Variants in HEATR4 observed in about 807,000 individuals in gnomAD.
The protein encoded by HEATR4 is HEAT repeat containing 4.
Under a neutral mutation model 108.8 loss-of-function variants are expected in HEATR4, and 95 were observed. The ratio of observed to expected loss-of-function variants is 0.87; its 90% CI spans 0.74 to 1.04. HEATR4 has a LOEUF of 1.04. Among genes scored for constraint, HEATR4 ranks in the 50% least tolerant of loss-of-function variants. The probability of loss-of-function intolerance (pLI) is 0.00; values close to 1 mark genes in which losing one functional copy is unlikely to be tolerated. For synonymous variants in HEATR4, 443 were observed against 459.4 expected, an observed-to-expected ratio of 0.96 and a Z score of 0.46; for missense variants, 1,152 against 1,253.8, an observed-to-expected ratio of 0.92 and a Z score of 1.23.
chr14:73,544,202 G>C (rs1158441321), intron 1 of HEATR4, among the ~76,000 whole-genome samples: 1 of 115,374 alleles, frequency 8.7e-6, no homozygotes, highest in African/African-American at 2.8e-5. Flanking sequence ...GCTGACGCAG[G>C]AGAATTGCTT....
the HEATR4 span, chr14:73,619,934 T>TTC: frequency 1.5e-6 from 2 of 1,291,548 alleles, no homozygotes; most frequent in South Asian, 1.5e-5. Flanking sequence ...TTTTTTTTTT[T>TTC]CCTGTATCAC....
intron 7 of HEATR4, among the ~76,000 whole-genome samples, chr14:73,511,476 G>A (rs577637717): frequency 2.7e-5 from 4 of 150,904 alleles, no homozygotes; most frequent in South Asian, 2.1e-4. Context: ...CAGAGATCGC[G>A]CCACTGCACT....
intron 1 of HEATR4, among the ~76,000 whole-genome samples, chr14:73,545,465 C>T (rs1311745523): frequency 8.3e-5 from 6 of 72,268 alleles, no homozygotes; most frequent in African/African-American, 2.6e-4. Flanking sequence ...TCCTGTGTTA[C>T]TCTGCAACCC....
At chr14:73,569,970 G>GCCC in the HEATR4 span, 10 of 1,458,738 alleles carry the variant, frequency 6.9e-6, no homozygotes, top group Non-Finnish European at 9.0e-6. Flanking sequence ...TTATGTGTAT[G>GCCC]CCCCCCCGCC....
the HEATR4 span, among the ~76,000 whole-genome samples, chr14:73,566,281 C>G: frequency 6.6e-6 from 1 of 152,222 alleles, no homozygotes; most frequent in East Asian, 1.9e-4. Context: ...CCCAGTGGAT[C>G]GTGCACTGGG....
intron 1 of HEATR4, among the ~76,000 whole-genome samples, chr14:73,532,351 A>T (rs1284807059): frequency 8.6e-6 from 1 of 116,420 alleles, no homozygotes; most frequent in Non-Finnish European, 1.9e-5. Flanking sequence ...TCAATCTTGT[A>T]TTTCTAGTAG....
At chr14:73,587,513 A>G in the HEATR4 span, among the ~76,000 whole-genome samples, 4 of 152,032 alleles carry the variant, frequency 2.6e-5, no homozygotes, top group Non-Finnish European at 5.9e-5. Context: ...GGGCCACCAC[A>G]CCCAGCTAAT....
chr14:73,603,690 GT>G, the HEATR4 span, among the ~76,000 whole-genome samples: 8 of 150,262 alleles, frequency 5.3e-5, no homozygotes, highest in Non-Finnish European at 7.4e-5. Context: ...AGGCATTATA[GT>G]TTTTTTCTTT....
the HEATR4 span, chr14:73,592,283 G>C: frequency 6.2e-7 from 1 of 1,612,390 alleles, no homozygotes; most frequent in Non-Finnish European, 8.5e-7. Context: ...AGTTGGAGGT[G>C]CTGGACGGCC....
chr14:73,579,439 G>C, the HEATR4 span, among the ~76,000 whole-genome samples: 10 of 150,710 alleles, frequency 6.6e-5, no homozygotes, highest in African/African-American at 2.4e-4. Context: ...GCCGAGCGTG[G>C]TGCTGGGCGC....
At chr14:73,619,408 C>G in the HEATR4 span, 17 of 1,614,142 alleles carry the variant, frequency 1.1e-5, no homozygotes, top group South Asian at 1.5e-4. Context: ...TGTCGATGAT[C>G]TAGGAAAAGT....
the HEATR4 span, among the ~76,000 whole-genome samples, chr14:73,590,092 G>A: frequency 1.3e-5 from 2 of 152,018 alleles, no homozygotes; most frequent in African/African-American, 2.4e-5. Flanking sequence ...ACGTAGAAAA[G>A]AACCCCAACA....
At chr14:73,552,107 CTT>C (rs1172747046) in intron 1 of HEATR4, among the ~76,000 whole-genome samples, 1 of 114,588 alleles carries the variant, frequency 8.7e-6, no homozygotes, top group Non-Finnish European at 1.9e-5. Context: ...GTCCTAAAGA[CTT>C]TTTAAATAAA....
Position 73,478,839 on chromosome 14 carries a change from C to A in HEATR4, c.2848G>T (p.Val950Leu), listed in dbSNP as rs553214705. Residue 950 changes from valine to leucine, a missense_variant, in exon 18 of 18, where the codon GTG (valine) becomes TTG (leucine). Physicochemically the swap from Val to Leu is conservative, Grantham distance 32. Transcript: ENST00000553558. ...CAGGGATTTGGTGCGCGGGGCTTCA[C>A]AGGCTGCAGAGAAACATGAAAACAT... ...VCDTEAVIKP[V>L]KPRAPNPWLQ... The A allele has an allele frequency of 6.6e-5, 105 of 1,600,336 alleles. 2 individuals carry two copies. In the South Asian group the frequency reaches 1.1e-3, roughly 17 times the overall value.
At chr14:73,564,511 T>C in the HEATR4 span, among the ~76,000 whole-genome samples, 1 of 150,774 alleles carries the variant, frequency 6.6e-6, no homozygotes, top group Non-Finnish European at 1.5e-5. Flanking sequence ...GAGGCTGAGG[T>C]GGGAGGACTG....
chr14:73,493,010 T>TTC (rs1885881624), intron 17 of HEATR4, 56 bp downstream of exon 17: 5 of 1,583,358 alleles, frequency 3.2e-6, no homozygotes, highest in Non-Finnish European at 3.4e-6. Context: ...TTTTTTTTTT[T>TTC]TTTTTCCTTA....
chr14:73,569,795 G>A, the HEATR4 span: 1 of 1,603,352 alleles, frequency 6.2e-7, no homozygotes, highest in Non-Finnish European at 8.5e-7. Context: ...TGTGCCAGAC[G>A]CGGCACGAGC....
chr14:73,508,039 C>G (rs1886961964), intron 9 of HEATR4, 95 bp downstream of exon 9: 1 of 1,215,682 alleles, frequency 8.2e-7, no homozygotes, highest in Non-Finnish European at 1.2e-6. Flanking sequence ...AGCCACTGCC[C>G]CGGCCCCAGC....
the HEATR4 span, among the ~76,000 whole-genome samples, chr14:73,604,164 CT>C: frequency 3.8e-3 from 459 of 120,750 alleles, 4 homozygotes; most frequent in South Asian, 0.025. Flanking sequence ...TTGCTAATTT[CT>C]TTTTTTTTTT....
Sources: allele counts gnomAD v4.1 joint callset (sites outside exome capture counted in the v4.1 genomes callset), GRCh38; gene constraint gnomAD v4.1.1; transcripts MANE v1.5; gene names NCBI Gene and HGNC (gene_info 2026-07-23, HGNC 2026-07-21).